IRAK2: variants seen among roughly 807,000 people sequenced by gnomAD.
The protein encoded by IRAK2 is interleukin 1 receptor associated kinase 2.
IRAK2 carries 57 observed loss-of-function variants against 72.0 expected under a neutral mutation model. The observed-to-expected ratio is 0.79, with a 90% confidence interval of 0.64 to 0.99. IRAK2 has a LOEUF of 0.99. Ranked by LOEUF, IRAK2 falls within the 50% of genes least tolerant of loss-of-function variation. The pLI is 0.00. For missense variants in IRAK2, 790 were observed against 794.4 expected (o/e 0.99, Z 0.07); for synonymous variants, 293 against 312.7 (o/e 0.94, Z 0.67).
intron 2 of IRAK2, among the ~76,000 whole-genome samples, chr3:10,197,839 G>C: frequency 6.7e-6 from 1 of 148,344 alleles, no homozygotes. Flanking sequence ...GCGACAGAGT[G>C]AGACTCCGTC....
intron 2 of IRAK2, among the ~76,000 whole-genome samples, chr3:10,199,927 G>A (rs557734197): frequency 2.2e-4 from 31 of 138,798 alleles, no homozygotes; most frequent in East Asian, 2.0e-4. Context: ...TTGCTCTGTC[G>A]CTCAGGCTGG....
chr3:10,169,581 C>T (rs1177666224), intron 1 of IRAK2, among the ~76,000 whole-genome samples: 3 of 152,340 alleles, frequency 2.0e-5, no homozygotes, highest in East Asian at 3.9e-4. Flanking sequence ...TGCCCGACCC[C>T]ACAGGCAGTC....
chr3:10,226,856 G>T (rs1405589326), intron 10 of IRAK2, among the ~76,000 whole-genome samples: 1 of 149,750 alleles, frequency 6.7e-6, no homozygotes, highest in Non-Finnish European at 1.5e-5. Flanking sequence ...TGAGGCAGGA[G>T]AATCACTTGA....
At chr3:10,238,666 C>T in intron 11 of IRAK2, 82 bp from the exon 12 acceptor site, 1 of 1,360,282 alleles carries the variant, frequency 7.4e-7, no homozygotes, top group Non-Finnish European at 1.0e-6. Context: ...TCCCCGCCCC[C>T]TCTCTGCTGG....
chr3:10,210,088 T>G (rs951830733), intron 4 of IRAK2, among the ~76,000 whole-genome samples: 5 of 151,932 alleles, frequency 3.3e-5, no homozygotes, highest in African/African-American at 1.2e-4. Context: ...CTCGGCTAAT[T>G]TTTTGTATTT....
At chr3:10,224,426 A>G (rs1267870515) in intron 9 of IRAK2, among the ~76,000 whole-genome samples, 1 of 151,764 alleles carries the variant, frequency 6.6e-6, no homozygotes, top group Non-Finnish European at 1.5e-5. Flanking sequence ...TACACCTAGC[A>G]CTTCTGTCTC....
chr3:10,219,785 A>C lies in IRAK2; in HGVS notation c.1009A>C (p.Lys337Gln). The change falls in exon 8 of 13, where the codon AAG becomes CAG. Residue 337 changes from lysine (K) to glutamine (Q), a missense_variant. By Grantham distance (53) the Lys-to-Gln change is moderately conservative. Coordinates refer to ENST00000256458, the MANE Select transcript of IRAK2 (RefSeq NM_001570.4). ...HGLEIIHSNV[K>Q]SSNVLLDQNL... Reference sequence around the variant, plus strand: ...TCTGGAGATCATCCACAGCAACGTCAAGAGGTGAGAGAGGTGGGCTGGACC... The same window carrying C: ...TCTGGAGATCATCCACAGCAACGTCCAGAGGTGAGAGAGGTGGGCTGGACC... 6.2e-7 allele frequency: 1 copy of C among 1,610,608 alleles called. No individual in the cohort carries two copies. Among genetic ancestry groups the C allele is most frequent in the Non-Finnish European group, 8.5e-7 (1 of 1,177,014 alleles).
Position 10,166,101 on chromosome 3 carries a change from C to CT in IRAK2, c.94+1054dup, listed in dbSNP as rs1185018713. ...GTGCTGGGATTACAGGCGTGAGCCA[C>CT]TGTGCCCAGCCTATTTATCATATTT... On this transcript the variant is annotated intron_variant, in intron 1 of 12. Coordinates refer to ENST00000256458, the MANE Select transcript of IRAK2 (RefSeq NM_001570.4). Among the ~76,000 whole-genome samples the CT allele has an allele frequency of 7.2e-5, 11 of 152,232 alleles. 1 individual carries two copies. The highest frequency in any genetic ancestry group is 2.0e-4 in the Admixed American group (3 of 15,270).
chr3:10,200,752 C>G (rs539817507), intron 3 of IRAK2, among the ~76,000 whole-genome samples: 1 of 152,226 alleles, frequency 6.6e-6, no homozygotes, highest in Admixed American at 6.5e-5. Flanking sequence ...TTAAAAAAAT[C>G]ATCCAGGCAT....
In IRAK2 at chr3:10,209,670, TC is replaced by T; in HGVS notation, c.510del (p.Thr171LeufsTer19). The part of the protein sequence containing the change: ...EDAPHSLRSD[L>X]PTSSDSKDFS... ...GCCCCTCATTCCTTGAGAAGCGACCTCCCCACTTCGTCTGATTCAAAGGTAA... is the reference window on the plus strand; with the variant it reads ...GCCCCTCATTCCTTGAGAAGCGACCTCCCACTTCGTCTGATTCAAAGGTAA... On this transcript the variant is annotated frameshift_variant, in exon 4 of 13. Coordinates refer to ENST00000256458, the MANE Select transcript of IRAK2 (RefSeq NM_001570.4). LOFTEE classifies it high-confidence loss of function. 1 of 1,541,684 alleles carries T rather than the reference TC, an allele frequency of 6.5e-7. No individual in the cohort carries two copies. The highest frequency in any genetic ancestry group is 8.7e-7 in the Non-Finnish European group (1 of 1,146,262).
intron 1 of IRAK2, among the ~76,000 whole-genome samples, chr3:10,177,018 G>T (rs1012233457): frequency 6.6e-6 from 1 of 151,800 alleles, no homozygotes; most frequent in Admixed American, 6.6e-5. Flanking sequence ...AGCCAGGATG[G>T]TCTTGATCTC....
At chr3:10,169,629 A>G (rs1696764634) in intron 1 of IRAK2, among the ~76,000 whole-genome samples, 1 of 152,054 alleles carries the variant, frequency 6.6e-6, no homozygotes, top group Admixed American at 6.6e-5. Context: ...CCTGAACATC[A>G]CTGTTATTCT....
rs200096096 is a variant in IRAK2, at chr3:10,215,777, T to TAC, written c.789-1145_789-1144dup. ...ACACACACACACACACACACACAGATACACACACACACATACATCTAATAA... is the reference window on the plus strand; with the variant it reads ...ACACACACACACACACACACACAGATACACACACACACACATACATCTAATAA... On this transcript the variant is annotated intron_variant, in intron 6 of 12. Coordinates refer to ENST00000256458, the MANE Select transcript of IRAK2 (RefSeq NM_001570.4). 0.01 allele frequency among the ~76,000 whole-genome samples: 1,227 copies of TAC among 119,460 alleles called. 88 individuals are homozygous for TAC. In the East Asian group the frequency reaches 0.17, roughly 17 times the overall value. The allele number at this position is 119,460 out of a possible 152,430, so 78.4% of individuals were successfully genotyped here.
intron 1 of IRAK2, among the ~76,000 whole-genome samples, chr3:10,172,374 C>CA (rs1282267159): frequency 1.3e-5 from 2 of 148,370 alleles, no homozygotes; most frequent in African/African-American, 2.5e-5. Context: ...CTCAAAAAAA[C>CA]AAACAAACAA....
At chr3:10,189,271 C>T (rs1697135557) in intron 2 of IRAK2, among the ~76,000 whole-genome samples, 1 of 152,178 alleles carries the variant, frequency 6.6e-6, no homozygotes, top group South Asian at 2.1e-4. Context: ...GGACGACACA[C>T]ACATATCTAG....
intron 2 of IRAK2, among the ~76,000 whole-genome samples, chr3:10,191,294 C>CAAA (rs60436432): frequency 4.2e-4 from 61 of 143,770 alleles, no homozygotes; most frequent in African/African-American, 1.5e-3. Context: ...GAATCTGTCT[C>CAAA]AAAAAAAAAA....
At chr3:10,199,091 G>A (rs1697315396) in intron 2 of IRAK2, among the ~76,000 whole-genome samples, 1 of 152,074 alleles carries the variant, frequency 6.6e-6, no homozygotes, top group South Asian at 2.1e-4. Context: ...GAGGCCAGAT[G>A]TATACTTTGG....
At chr3:10,210,513 C>T (rs1019569727) in intron 4 of IRAK2, among the ~76,000 whole-genome samples, 1 of 152,118 alleles carries the variant, frequency 6.6e-6, no homozygotes, top group Non-Finnish European at 1.5e-5. Flanking sequence ...TTCTGATGGC[C>T]CCTAAAAGTG....
intron 1 of IRAK2, 152 bp downstream of exon 1, chr3:10,165,200 C>T (rs1308373750): frequency 7.8e-6 from 5 of 643,402 alleles, no homozygotes; most frequent in Non-Finnish European, 1.3e-5. Context: ...GGGTCCGCCG[C>T]GGACCTCGGC....
Sources: gnomAD v4.1 joint callset for allele counts (sites outside exome capture counted in the v4.1 genomes callset) on GRCh38, gnomAD v4.1.1 for gene constraint, MANE v1.5 for transcripts, NCBI Gene and HGNC (gene_info 2026-07-23, HGNC 2026-07-21) for gene names.